MBD5: variants seen among roughly 807,000 people sequenced by gnomAD.
MBD5 encodes the protein methyl-CpG binding domain protein 5, also known as methyl-CpG-binding domain protein 5.
A neutral mutation model predicts 117.3 loss-of-function variants in MBD5; 13 were observed. The ratio of observed to expected loss-of-function variants is 0.11; its 90% CI spans 0.07 to 0.18. The LOEUF is 0.18. MBD5 is among the 10% of genes least tolerant of loss of function. The probability of loss-of-function intolerance (pLI) is 1.00; values close to 1 mark genes in which losing one functional copy is unlikely to be tolerated. For missense variants in MBD5, 1,879 were observed against 2,093.8 expected (o/e 0.90, Z 2.00); for synonymous variants, 727 against 766.4 (o/e 0.95, Z 0.85).
intron 2 of MBD5, among the ~76,000 whole-genome samples, chr2:148,189,487 C>G (rs1698777163): frequency 9.0e-6 from 1 of 111,560 alleles, no homozygotes. Context: ...CACCCCCCAG[C>G]AGGGGCACAC....
At chr2:148,283,100 A>C (rs1701289691) in intron 3 of MBD5, among the ~76,000 whole-genome samples, 1 of 152,112 alleles carries the variant, frequency 6.6e-6, no homozygotes, top group Admixed American at 6.5e-5. Context: ...TTTATATAAC[A>C]GGGATGATAA....
chr2:148,471,403 A>G (rs1680791604), intron 8 of MBD5: 1 of 152,180 alleles, frequency 6.6e-6, no homozygotes, highest in Admixed American at 6.6e-5. Context: ...ATGATTTATG[A>G]GAAATGACAA....
At chr2:148,069,373 A>T (rs181424699) in intron 1 of MBD5, among the ~76,000 whole-genome samples, 15 of 152,258 alleles carry the variant, frequency 9.9e-5, no homozygotes, top group Non-Finnish European at 4.4e-5. Context: ...TACAGAATAG[A>T]AACTAAATGG....
At chr2:148,397,014 C>T (rs1412329674) in intron 4 of MBD5, among the ~76,000 whole-genome samples, 2 of 152,138 alleles carry the variant, frequency 1.3e-5, no homozygotes, top group Non-Finnish European at 2.9e-5. Flanking sequence ...TTCCTAAACT[C>T]CTTACATTGT....
chr2:148,477,403 C>A (rs1442072223), intron 8 of MBD5, among the ~76,000 whole-genome samples: 2 of 152,060 alleles, frequency 1.3e-5, no homozygotes, highest in African/African-American at 4.8e-5. Flanking sequence ...AACAAAGTAG[C>A]CTCTAGTCCC....
intron 3 of MBD5, among the ~76,000 whole-genome samples, chr2:148,340,762 T>G (rs967278619): frequency 4.0e-5 from 6 of 151,834 alleles, no homozygotes; most frequent in African/African-American, 1.5e-4. Context: ...AAAATATAAC[T>G]GTGAGTAATA....
chr2:148,296,353 C>A (rs10168759), intron 3 of MBD5: 153,964 of 162,610 alleles, frequency 0.95, 73,429 homozygotes, highest in East Asian at 1. Context: ...ACTTCTCGGG[C>A]GATATTACTT....
intron 4 of MBD5, among the ~76,000 whole-genome samples, chr2:148,380,728 G>A (rs1704114243): frequency 6.6e-6 from 1 of 152,144 alleles, no homozygotes; most frequent in African/African-American, 2.4e-5. Context: ...CCCAGTAGGG[G>A]CGGACTGACA....
At chr2:148,475,346 C>T (rs1680929321) in intron 8 of MBD5, among the ~76,000 whole-genome samples, 1 of 151,988 alleles carries the variant, frequency 6.6e-6, no homozygotes, top group Non-Finnish European at 1.5e-5. Flanking sequence ...TTATTCTTTG[C>T]TGTAAGACAT....
intron 1 of MBD5, among the ~76,000 whole-genome samples, chr2:148,086,370 A>G (rs1304933845): frequency 6.6e-6 from 1 of 152,098 alleles, no homozygotes; most frequent in Non-Finnish European, 1.5e-5. Flanking sequence ...TCCAATTTGC[A>G]TATCAGTTTT....
chr2:148,408,302 T>G (rs1705144007), intron 4 of MBD5, among the ~76,000 whole-genome samples: 1 of 152,178 alleles, frequency 6.6e-6, no homozygotes, highest in African/African-American at 2.4e-5. Context: ...TTAACGTTCC[T>G]GAAGCCTCCT....
chr2:148,123,158 T>C (rs1696809769), intron 1 of MBD5, among the ~76,000 whole-genome samples: 4 of 152,260 alleles, frequency 2.6e-5, no homozygotes, highest in Non-Finnish European at 4.4e-5. Context: ...TGAGTACTTA[T>C]TAAATATTTG....
intron 2 of MBD5, among the ~76,000 whole-genome samples, chr2:148,217,099 G>A (rs558901808): frequency 1.3e-5 from 2 of 152,192 alleles, no homozygotes; most frequent in East Asian, 3.9e-4. Flanking sequence ...CCTACACCCC[G>A]GATCCCTGCC....
chr2:148,347,889 C>G (rs915757207), intron 4 of MBD5, among the ~76,000 whole-genome samples: 1 of 151,796 alleles, frequency 6.6e-6, no homozygotes, highest in Non-Finnish European at 1.5e-5. Flanking sequence ...TCTTGCCTAC[C>G]CTACCCCCCA....
At chr2:148,445,053 C>G (rs1706445706) in intron 4 of MBD5, among the ~76,000 whole-genome samples, 1 of 151,134 alleles carries the variant, frequency 6.6e-6, no homozygotes, top group Non-Finnish European at 1.5e-5. Flanking sequence ...ATAGCACCAC[C>G]CAAGCATGTT....
intron 4 of MBD5, among the ~76,000 whole-genome samples, chr2:148,413,411 G>T (rs1437116876): frequency 5.9e-5 from 9 of 151,834 alleles, no homozygotes; most frequent in African/African-American, 2.2e-4. Flanking sequence ...CAAGGAGATT[G>T]GCCTGAAGTT....
chr2:148,301,004 G>A (rs570091109), intron 3 of MBD5, among the ~76,000 whole-genome samples: 1 of 152,322 alleles, frequency 6.6e-6, no homozygotes, highest in Admixed American at 6.5e-5. Context: ...GAAGAATTCT[G>A]TGAGGTGTTT....
chr2:148,040,337 A>T (rs1397155026), intron 1 of MBD5, among the ~76,000 whole-genome samples: 1 of 152,150 alleles, frequency 6.6e-6, no homozygotes, highest in Non-Finnish European at 1.5e-5. Flanking sequence ...AGCCTTTCAT[A>T]AAAAAATCCC....
chr2:148,514,100 A>G lies in MBD5; in HGVS notation c.*1159A>G, dbSNP rs374766868. 7 of 152,320 alleles carry G rather than the reference A, an allele frequency of 4.6e-5. No individual in the cohort carries two copies. The East Asian group carries it at 1.3e-3, about 29-fold the overall frequency. The allele number at this position is 152,320 out of a possible 1,614,324, so 9.4% of individuals were successfully genotyped here. A position where few individuals can be genotyped will look rare whatever the true frequency, so the allele number is the denominator to read the frequency against. The stretch of plus-strand genomic sequence containing the variant: ...AATTATTAGCAATGGTAATTTTTTT[A>G]TCAGTATTGTGTAACATATCAGATT... On this transcript the variant is annotated 3_prime_UTR_variant, in exon 14 of 14. Coordinates refer to ENST00000642680, the MANE Select transcript of MBD5 (RefSeq NM_001378120.1).
Sources: allele counts gnomAD v4.1 joint callset (sites outside exome capture counted in the v4.1 genomes callset), GRCh38; gene constraint gnomAD v4.1.1; transcripts MANE v1.5; gene names NCBI Gene and HGNC (gene_info 2026-07-23, HGNC 2026-07-21).